Variants in MAPK14 observed in about 807,000 individuals in gnomAD.
MAPK14 encodes CSAID-binding protein.
Under a neutral mutation model 49.6 loss-of-function variants are expected in MAPK14, and 16 were observed. The ratio of observed to expected loss-of-function variants is 0.32; its 90% CI spans 0.22 to 0.49. The LOEUF (loss-of-function observed/expected upper bound fraction) is 0.49. MAPK14 is among the 20% of genes least tolerant of loss of function. The probability of loss-of-function intolerance (pLI) is 0.99; values close to 1 mark genes in which losing one functional copy is unlikely to be tolerated. For missense variants in MAPK14, 200 were observed against 441.2 expected, an observed-to-expected ratio of 0.45 and a Z score of 4.90; for synonymous variants, 142 against 158.0, an observed-to-expected ratio of 0.90 and a Z score of 0.76.
At chr6:36,099,173 A>G (rs529448642) in intron 9 of MAPK14, among the ~76,000 whole-genome samples, 2 of 152,356 alleles carry the variant, frequency 1.3e-5, no homozygotes, top group African/African-American at 4.8e-5. Context: ...CTTATTAAAG[A>G]TGACACTTCA....
chr6:36,099,778 T>C (rs1562151373), intron 9 of MAPK14, among the ~76,000 whole-genome samples: 1 of 152,204 alleles, frequency 6.6e-6, no homozygotes, highest in Non-Finnish European at 1.5e-5. Flanking sequence ...ATGGATATGT[T>C]GGATATTTTA....
intron 10 of MAPK14, among the ~76,000 whole-genome samples, chr6:36,105,960 C>G (rs933582497): frequency 6.6e-6 from 1 of 152,148 alleles, no homozygotes; most frequent in Non-Finnish European, 1.5e-5. Context: ...TTTTGTAACC[C>G]CTTATGAAAT....
chr6:36,040,698 A>G (rs760664680), intron 1 of MAPK14, among the ~76,000 whole-genome samples: 3 of 152,210 alleles, frequency 2.0e-5, no homozygotes, highest in Non-Finnish European at 2.9e-5. Context: ...CATGGCCCCA[A>G]CTTAGGGTGT....
intron 1 of MAPK14, among the ~76,000 whole-genome samples, chr6:36,051,893 T>C (rs927749542): frequency 1.3e-5 from 2 of 152,136 alleles, no homozygotes; most frequent in Non-Finnish European, 2.9e-5. Flanking sequence ...ATATTATTAT[T>C]ATTTCTTCTG....
chr6:36,035,972 T>A (rs1291109441), intron 1 of MAPK14, among the ~76,000 whole-genome samples: 33 of 152,144 alleles, frequency 2.2e-4, no homozygotes, highest in Admixed American at 2.0e-3. Context: ...ACCTGTAATT[T>A]CAGCACTTTG....
the MAPK14 span, among the ~76,000 whole-genome samples, chr6:36,119,336 C>T: frequency 8.2e-4 from 125 of 152,304 alleles, 1 homozygote; most frequent in African/African-American, 2.8e-3. Context: ...AACTGTAGAG[C>T]TTTCATACAT....
intron 6 of MAPK14, 66 bp downstream of exon 6, chr6:36,074,162 A>G (rs373223517): frequency 2.4e-5 from 29 of 1,225,188 alleles, no homozygotes; most frequent in Non-Finnish European, 3.2e-5. Context: ...CTAAGCAGGC[A>G]GACTTTCTTA....
At chr6:36,070,717 C>A (rs1334819070) in intron 3 of MAPK14, among the ~76,000 whole-genome samples, 1 of 152,120 alleles carries the variant, frequency 6.6e-6, no homozygotes, top group African/African-American at 2.4e-5. Context: ...AAATTGAGAA[C>A]TGACCATGGC....
the MAPK14 span, among the ~76,000 whole-genome samples, chr6:36,123,098 G>A: frequency 6.6e-6 from 1 of 152,052 alleles, no homozygotes; most frequent in Non-Finnish European, 1.5e-5. Flanking sequence ...AAAGAAGGAA[G>A]GGAGGGAGAG....
In MAPK14 at chr6:36,047,966, A is replaced by T. The variant is rs533767451; in HGVS notation, c.117-4733A>T. The stretch of plus-strand genomic sequence containing the variant: ...ACCATGTTGGCCAGGCTGGTCTCAA[A>T]CTCCTAACCTTAGCCTCCCAAAGTG... On this transcript the variant is annotated intron_variant, in intron 1 of 11. Transcript: ENST00000229794. Among the ~76,000 whole-genome samples the T allele has an allele frequency of 2.6e-5, 4 of 151,054 alleles. No homozygotes were observed. The South Asian group carries it at 8.4e-4, about 32-fold the overall frequency.
At chr6:36,093,099 G>C (rs1223455246) in intron 8 of MAPK14, among the ~76,000 whole-genome samples, 3 of 152,196 alleles carry the variant, frequency 2.0e-5, no homozygotes, top group Non-Finnish European at 4.4e-5. Flanking sequence ...GGCTTGGAAG[G>C]ACGGGAGAAG....
At chr6:36,032,066 G>A (rs141881612) in intron 1 of MAPK14, among the ~76,000 whole-genome samples, 2,542 of 152,130 alleles carry the variant, frequency 0.017, 27 homozygotes, top group Non-Finnish European at 0.027. Flanking sequence ...ATAGGGATGA[G>A]CCACCACACC....
At chr6:36,080,292 A>G (rs927576845) in intron 8 of MAPK14, among the ~76,000 whole-genome samples, 2 of 152,186 alleles carry the variant, frequency 1.3e-5, no homozygotes, top group African/African-American at 2.4e-5. Context: ...TTCATGATGT[A>G]CAATCACTAC....
chr6:36,076,476 T>C, intron 7 of MAPK14, 61 bp from the exon 8 acceptor site: 1 of 1,235,454 alleles, frequency 8.1e-7, no homozygotes, highest in Non-Finnish European at 1.2e-6. Context: ...CGGTTTCATT[T>C]GTTGCCAAGA....
At chr6:36,112,660 T>G (rs1765995644), downstream of MAPK14, among the ~76,000 whole-genome samples, 1 of 152,250 alleles carries the variant, frequency 6.6e-6, no homozygotes, top group Non-Finnish European at 1.5e-5. Context: ...ACATTCTTTT[T>G]TATAAGTATC....
intron 9 of MAPK14, chr6:36,097,099 T>C (rs1353285290): frequency 6.6e-6 from 1 of 152,370 alleles, no homozygotes; most frequent in South Asian, 2.1e-4. Context: ...GTTCATCATC[T>C]TCCTGACAAA....
chr6:36,030,353 T>A (rs772159281), intron 1 of MAPK14, among the ~76,000 whole-genome samples: 33 of 152,354 alleles, frequency 2.2e-4, no homozygotes, highest in Non-Finnish European at 2.2e-4. Context: ...ACAGATTTTT[T>A]AAAATACATT....
At chr6:36,065,029 A>G (rs1003857002) in intron 3 of MAPK14, among the ~76,000 whole-genome samples, 1 of 152,216 alleles carries the variant, frequency 6.6e-6, no homozygotes, top group African/African-American at 2.4e-5. Context: ...ATTGCCCTGG[A>G]ACTTTTTCCC....
At chr6:36,030,433 A>G (rs1762493335) in intron 1 of MAPK14, among the ~76,000 whole-genome samples, 1 of 152,158 alleles carries the variant, frequency 6.6e-6, no homozygotes, top group South Asian at 2.1e-4. Context: ...CACGCCTGTA[A>G]TCCCAGCACT....
Sources: gnomAD v4.1 joint callset for allele counts (sites outside exome capture counted in the v4.1 genomes callset) on GRCh38, gnomAD v4.1.1 for gene constraint, MANE v1.5 for transcripts, NCBI Gene and HGNC (gene_info 2026-07-23, HGNC 2026-07-21) for gene names.